COL4A2: variants seen among roughly 807,000 people sequenced by gnomAD.
The protein encoded by COL4A2 is collagen alpha-2(IV) chain.
COL4A2 carries 99 observed loss-of-function variants against 200.2 expected under a neutral mutation model. That is an observed-to-expected ratio of 0.49 (90% confidence interval 0.42 to 0.58). The LOEUF (loss-of-function observed/expected upper bound fraction) is 0.58. Ranked by LOEUF, COL4A2 falls within the 20% of genes least tolerant of loss-of-function variation. The pLI is 0.00. For synonymous variants in COL4A2, 897 were observed against 900.6 expected, an observed-to-expected ratio of 1.00 and a Z score of 0.07; for missense variants, 1,950 against 2,314.1, an observed-to-expected ratio of 0.84 and a Z score of 3.23.
intron 25 of COL4A2, 32 bp downstream of exon 25, chr13:110,465,638 A>G (rs1289458602): frequency 1.3e-6 from 2 of 1,544,942 alleles, no homozygotes; most frequent in Non-Finnish European, 1.8e-6. Flanking sequence ...TACCTTTCAC[A>G]GTCCTGAGAC....
chr13:110,422,913 C>A (rs1239460129), intron 4 of COL4A2, among the ~76,000 whole-genome samples: 1 of 152,192 alleles, frequency 6.6e-6, no homozygotes, highest in South Asian at 2.1e-4. Context: ...CATTTCACTT[C>A]AACTGTGTGG....
At chr13:110,357,418 T>C in intron 3 of COL4A2, 54 bp from the exon 4 acceptor site, 9 of 1,550,688 alleles carry the variant, frequency 5.8e-6, no homozygotes, top group Non-Finnish European at 7.0e-6. Flanking sequence ...TAATACATGT[T>C]GTAGTTGGCA....
At chr13:110,422,480 G>T (rs959734536) in intron 4 of COL4A2, among the ~76,000 whole-genome samples, 1 of 152,202 alleles carries the variant, frequency 6.6e-6, no homozygotes, top group African/African-American at 2.4e-5. Flanking sequence ...ACACTAAAGT[G>T]CACAAGCTTC....
chr13:110,466,543 A>G (rs1882247631), intron 26 of COL4A2, among the ~76,000 whole-genome samples: 2 of 152,194 alleles, frequency 1.3e-5, no homozygotes, highest in African/African-American at 4.8e-5. Flanking sequence ...AGCCACACCA[A>G]CCAGAAGTGC....
intron 4 of COL4A2, among the ~76,000 whole-genome samples, chr13:110,418,592 T>C (rs2139447636): frequency 6.6e-6 from 1 of 152,362 alleles, no homozygotes; most frequent in South Asian, 2.1e-4. Flanking sequence ...GTATTGACAT[T>C]AGTGCTACAG....
chr13:110,401,331 C>G (rs1879362566), intron 4 of COL4A2, among the ~76,000 whole-genome samples: 1 of 152,138 alleles, frequency 6.6e-6, no homozygotes, highest in Non-Finnish European at 1.5e-5. Flanking sequence ...CTGTATCTTT[C>G]AAAATGAAGA....
At chr13:110,316,437 T>A (rs953237724) in intron 3 of COL4A2, among the ~76,000 whole-genome samples, 1 of 152,168 alleles carries the variant, frequency 6.6e-6, no homozygotes, top group African/African-American at 2.4e-5. Context: ...ATCGCAGCGA[T>A]GCAGGCCCTG....
chr13:110,321,208 G>GTGTATA lies in COL4A2; in HGVS notation c.99+13086_99+13087insGTATAT, dbSNP rs1555320060. Among the ~76,000 whole-genome samples, 5 of 146,590 alleles carry GTGTATA rather than the reference G, an allele frequency of 3.4e-5. No homozygotes were observed. The South Asian group carries it at 8.6e-4, about 25-fold the overall frequency. On this transcript the variant is annotated intron_variant, in intron 3 of 47. Transcript: ENST00000360467. Reference sequence around the variant, plus strand: ...TGTGTGTGTGTGTATGTGTCTGTGTGTATATATATATATATATACACACAC... The same window carrying GTGTATA: ...TGTGTGTGTGTGTATGTGTCTGTGTGTGTATATATATATATATATATATACACACAC...
At position 110,410,954 on chromosome 13, in the gene COL4A2, G is replaced by A. The variant is rs538327376; in HGVS notation, c.181-13780G>A. ...AACTGATCAGTGTTAAATCACTTCG[G>A]TTTGTTCACAAACCAAATGGCCACC... On this transcript the variant is annotated intron_variant, in intron 4 of 47. Transcript: ENST00000360467. 7.2e-5 allele frequency among the ~76,000 whole-genome samples: 11 copies of A among 152,216 alleles called. No homozygotes were observed. In the East Asian group the frequency reaches 1.7e-3, roughly 24 times the overall value.
At chr13:110,480,429 A>T in intron 31 of COL4A2, 39 bp downstream of exon 31, 4 of 1,577,460 alleles carry the variant, frequency 2.5e-6, no homozygotes, top group Non-Finnish European at 2.6e-6. Context: ...CTTGGCGGGG[A>T]GGTTGGGTCT....
chr13:110,470,892 C>A (rs1048538974), intron 28 of COL4A2, among the ~76,000 whole-genome samples: 2 of 152,190 alleles, frequency 1.3e-5, no homozygotes, highest in East Asian at 1.9e-4. Context: ...TGTTTCCTTT[C>A]ATATGATGCG....
chr13:110,469,906 C>CTTTTTTTTTTT (rs66524559), intron 28 of COL4A2, among the ~76,000 whole-genome samples: 6 of 75,614 alleles, frequency 7.9e-5, no homozygotes, highest in East Asian at 9.4e-4. Context: ...GCATACACGT[C>CTTTTTTTTTTT]TTTTTTTTTT....
intron 18 of COL4A2, 74 bp downstream of exon 18, chr13:110,446,938 A>G: frequency 7.8e-7 from 1 of 1,275,860 alleles, no homozygotes; most frequent in Non-Finnish European, 1.1e-6. Flanking sequence ...CAGAGCTATG[A>G]ACTTTCAAGA....
chr13:110,470,655 G>A (rs777434853), intron 28 of COL4A2, among the ~76,000 whole-genome samples: 5 of 152,208 alleles, frequency 3.3e-5, no homozygotes, highest in Admixed American at 6.5e-5. Context: ...TGAATAAAGC[G>A]CTCCCCATGT....
At chr13:110,356,336 G>A (rs547108984) in intron 3 of COL4A2, among the ~76,000 whole-genome samples, 31 of 152,280 alleles carry the variant, frequency 2.0e-4, no homozygotes, top group African/African-American at 7.2e-4. Context: ...CCCGTAGGGC[G>A]AAGGGGAAAG....
At chr13:110,433,784 G>A (rs745556265) in intron 11 of COL4A2, among the ~76,000 whole-genome samples, 3 of 152,178 alleles carry the variant, frequency 2.0e-5, no homozygotes, top group Admixed American at 6.5e-5. Flanking sequence ...AGAGGTCAGC[G>A]TTGTCAGTCC....
intron 32 of COL4A2, 60 bp downstream of exon 32, chr13:110,482,719 CTTG>C: frequency 6.5e-7 from 1 of 1,548,490 alleles, no homozygotes; most frequent in South Asian, 1.1e-5. Context: ...CTTACCCTTT[CTTG>C]GTGGCATAAC....
intron 45 of COL4A2, among the ~76,000 whole-genome samples, chr13:110,505,028 A>G (rs1030650892): frequency 1.3e-5 from 2 of 151,738 alleles, no homozygotes; most frequent in African/African-American, 2.4e-5. Context: ...GTTTGAGCCA[A>G]TGGTCTGAGC....
chr13:110,373,562 G>T (rs1269447762), intron 4 of COL4A2, among the ~76,000 whole-genome samples: 2 of 152,208 alleles, frequency 1.3e-5, no homozygotes. Flanking sequence ...GCTCTCTCCT[G>T]TCCTCATGTG....
Sources: allele counts gnomAD v4.1 joint callset (sites outside exome capture counted in the v4.1 genomes callset), GRCh38; gene constraint gnomAD v4.1.1; transcripts MANE v1.5; gene names NCBI Gene and HGNC (gene_info 2026-07-23, HGNC 2026-07-21).